KIAA0319L: variants seen among roughly 807,000 people sequenced by gnomAD.
The protein encoded by KIAA0319L is KIAA0319 like, also known as dyslexia-associated protein KIAA0319-like protein.
A neutral mutation model predicts 120.1 loss-of-function variants in KIAA0319L; 55 were observed. That is an observed-to-expected ratio of 0.46 (90% confidence interval 0.37 to 0.57). The LOEUF (loss-of-function observed/expected upper bound fraction) is 0.57. KIAA0319L is among the 20% of genes least tolerant of loss of function. KIAA0319L has a pLI of 0.00. For missense variants in KIAA0319L, 1,049 were observed against 1,255.3 expected (o/e 0.84, Z 2.48); for synonymous variants, 398 against 471.9 (o/e 0.84, Z 2.03).
intron 5 of KIAA0319L, among the ~76,000 whole-genome samples, chr1:35,473,021 TCTGCCCGCC>T: frequency 6.7e-6 from 1 of 149,760 alleles, no homozygotes; most frequent in Non-Finnish European, 1.5e-5. Flanking sequence ...CCTCAGGTGA[TCTGCCCGCC>T]TCAGCCTCCC....
intron 20 of KIAA0319L, among the ~76,000 whole-genome samples, chr1:35,435,895 C>CA (rs968784609): frequency 5.3e-5 from 8 of 152,148 alleles, no homozygotes; most frequent in Non-Finnish European, 1.0e-4. Context: ...CCAGAGAAAA[C>CA]AAACAGCAGG....
At position 35,507,059 on chromosome 1, in the gene KIAA0319L, G is replaced by T; in HGVS notation, c.219C>A (p.Leu73=). Residue 73 remains leucine, a synonymous_variant, in exon 3 of 21, where the codon CTC becomes CTA. Transcript: ENST00000325722. ...VGLRSGGENH[L]WLLEGTPSLQ... is the part of the protein sequence containing the mutation. The stretch of plus-strand genomic sequence containing the variant: ...GAGAGGGGGTTCCTTCAAGAAGCCA[G>T]AGGTGATTTTCTCCCCCAGATCTCA... 6.3e-7 allele frequency: 1 copy of T among 1,586,834 alleles called. No individual in the cohort carries two copies. Among genetic ancestry groups the T allele is most frequent in the Non-Finnish European group, 8.6e-7 (1 of 1,167,298 alleles).
intron 3 of KIAA0319L, among the ~76,000 whole-genome samples, chr1:35,485,189 T>C (rs1357862708): frequency 1.3e-5 from 2 of 152,108 alleles, no homozygotes; most frequent in African/African-American, 4.8e-5. Flanking sequence ...TAGCTATCGA[T>C]TGTTTTATTT....
chr1:35,522,746 G>A (rs949210764), intron 2 of KIAA0319L, among the ~76,000 whole-genome samples: 21 of 151,822 alleles, frequency 1.4e-4, no homozygotes, highest in Admixed American at 9.2e-4. Context: ...GGCCGGGCGC[G>A]GGGGCTCATG....
intron 7 of KIAA0319L, among the ~76,000 whole-genome samples, chr1:35,465,742 G>A (rs1484476361): frequency 4.6e-5 from 7 of 152,292 alleles, no homozygotes; most frequent in Admixed American, 2.6e-4. Context: ...CAATTCCCAC[G>A]TGTTGTGGGA....
chr1:35,544,466 T>C (rs921839042), intron 2 of KIAA0319L, among the ~76,000 whole-genome samples: 8 of 151,454 alleles, frequency 5.3e-5, no homozygotes, highest in African/African-American at 1.9e-4. Flanking sequence ...CTGCCACTCA[T>C]GGAGTGAGTC....
rs6688583 is a variant in KIAA0319L at position 35,544,418 on chromosome 1, A to C, written c.142+9932T>G. On this transcript the variant is annotated intron_variant, in intron 2 of 20. Transcript: ENST00000325722. Reference sequence around the variant, plus strand: ...CTCAAGACTGGCCACTCCATACAATAGGATTCTTTTCTAATCTCATCAATC... The same window carrying C: ...CTCAAGACTGGCCACTCCATACAATCGGATTCTTTTCTAATCTCATCAATC... 8.6e-4 allele frequency among the ~76,000 whole-genome samples: 131 copies of C among 151,852 alleles called. 2 individuals carry two copies. Among genetic ancestry groups the C allele is most frequent in the African/African-American group, 3.1e-3 (127 of 41,418 alleles).
At chr1:35,523,634 AT>A (rs927705322) in intron 2 of KIAA0319L, among the ~76,000 whole-genome samples, 5 of 152,312 alleles carry the variant, frequency 3.3e-5, no homozygotes, top group Admixed American at 3.3e-4. Flanking sequence ...CGTGGTATAA[AT>A]CTCAAAGAGC....
chr1:35,435,066 C>G lies in KIAA0319L; in HGVS notation c.2978G>C (p.Gly993Ala). The G allele has an allele frequency of 6.2e-7, 1 of 1,614,030 alleles. No individual in the cohort carries two copies. Among genetic ancestry groups the G allele is most frequent in the South Asian group, 1.1e-5 (1 of 91,066 alleles). ...PTSRAGIKQK[G>A]LLLSSSLMHS... ...CATCAGGCTGCTACTTAGCAAAAGG[C>G]CTTTCTGTTTGATGCCTGCAGGGAA... The change falls in exon 21 of 21, where the codon GGC (glycine) becomes GCC (alanine). Residue 993 changes from glycine to alanine, a missense_variant. By Grantham distance (60) the Gly-to-Ala change is moderately conservative. Coordinates refer to ENST00000325722, the MANE Select transcript of KIAA0319L (RefSeq NM_024874.5).
chr1:35,441,530 T>C (rs537205753), intron 19 of KIAA0319L, among the ~76,000 whole-genome samples: 1 of 152,252 alleles, frequency 6.6e-6, no homozygotes, highest in South Asian at 2.1e-4. Context: ...AGTTCTAAGT[T>C]TTATAAGAGG....
chr1:35,469,824 A>C (rs573155563), intron 6 of KIAA0319L, among the ~76,000 whole-genome samples: 2 of 152,104 alleles, frequency 1.3e-5, no homozygotes, highest in Non-Finnish European at 2.9e-5. Flanking sequence ...GTGTACAATG[A>C]ATAGATGTAG....
chr1:35,538,329 G>A (rs1168152013), intron 2 of KIAA0319L, among the ~76,000 whole-genome samples: 1 of 151,980 alleles, frequency 6.6e-6, no homozygotes, highest in East Asian at 1.9e-4. Flanking sequence ...AGTGGCTCAC[G>A]CCTATAATTC....
At chr1:35,528,588 G>A (rs1646243044) in intron 2 of KIAA0319L, among the ~76,000 whole-genome samples, 2 of 152,188 alleles carry the variant, frequency 1.3e-5, no homozygotes, top group South Asian at 4.1e-4. Context: ...TGTGTATTTT[G>A]CAGTTGGTAG....
intron 2 of KIAA0319L, among the ~76,000 whole-genome samples, chr1:35,511,634 C>T (rs1645449003): frequency 6.6e-6 from 1 of 152,062 alleles, no homozygotes; most frequent in Non-Finnish European, 1.5e-5. Context: ...GTGTGGTAAA[C>T]ATGCAAAAGT....
intron 19 of KIAA0319L, among the ~76,000 whole-genome samples, chr1:35,441,748 C>A (rs1216266417): frequency 6.6e-6 from 1 of 151,984 alleles, no homozygotes; most frequent in African/African-American, 2.4e-5. Flanking sequence ...TGTAACCATT[C>A]CATCTTAGAA....
At chr1:35,439,164 C>T (rs567043746) in intron 20 of KIAA0319L, 1 of 152,262 alleles carries the variant, frequency 6.6e-6, no homozygotes, top group Admixed American at 6.5e-5. Context: ...GAAGGTGAAC[C>T]TGTCCATCAT....
chr1:35,441,859 AAAG>A (rs1160419218), intron 19 of KIAA0319L, among the ~76,000 whole-genome samples: 2 of 152,120 alleles, frequency 1.3e-5, no homozygotes, highest in Non-Finnish European at 2.9e-5. Flanking sequence ...TCCCAACTAG[AAAG>A]AAGGCAGAAT....
In KIAA0319L at chr1:35,434,527, C is replaced by A; in HGVS notation, c.*367G>T. 1 of 203,444 alleles carries A rather than the reference C, an allele frequency of 4.9e-6. No homozygotes were observed. The highest frequency in any genetic ancestry group is 9.7e-6 in the Non-Finnish European group (1 of 102,654). The allele number at this position is 203,444 out of a possible 1,614,324, so 12.6% of individuals were successfully genotyped here. Reference sequence around the variant, plus strand: ...TTGGTTTTGCACTCAGGTGTGCGGGCAGCACAGCAGGCCTCACCTTGCAGC... The same window carrying A: ...TTGGTTTTGCACTCAGGTGTGCGGGAAGCACAGCAGGCCTCACCTTGCAGC... On this transcript the variant is annotated 3_prime_UTR_variant, in exon 21 of 21. Coordinates refer to ENST00000325722, the MANE Select transcript of KIAA0319L (RefSeq NM_024874.5).
Position 35,457,742 on chromosome 1 carries a change from A to G in KIAA0319L, c.1428-1501T>C, listed in dbSNP as rs574099328. On this transcript the variant is annotated intron_variant, in intron 9 of 20. Transcript: ENST00000325722. ...CCACAGACAGGGCCAGACGTCAGTGAGGTTTTATCCTGCAGTCTCACCTTT... is the reference window on the plus strand; with the variant it reads ...CCACAGACAGGGCCAGACGTCAGTGGGGTTTTATCCTGCAGTCTCACCTTT... Among the ~76,000 whole-genome samples the G allele has an allele frequency of 8.5e-5, 13 of 152,320 alleles. No individual in the cohort carries two copies. In the South Asian group the frequency reaches 2.7e-3, roughly 32 times the overall value.
Sources: allele counts gnomAD v4.1 joint callset (sites outside exome capture counted in the v4.1 genomes callset), GRCh38; gene constraint gnomAD v4.1.1; transcripts MANE v1.5; gene names NCBI Gene and HGNC (gene_info 2026-07-23, HGNC 2026-07-21).